CEP85L: variants seen among roughly 807,000 people sequenced by gnomAD.
CEP85L encodes centrosomal protein of 85 kDa-like.
In CEP85L, 60 loss-of-function variants were observed where a neutral mutation model predicts 100.3. That is an observed-to-expected ratio of 0.60 (90% CI 0.49 to 0.74). The LOEUF (loss-of-function observed/expected upper bound fraction) is 0.74, where lower values mean the gene tolerates loss of function less well. Among genes scored for constraint, CEP85L ranks in the 30% least tolerant of loss-of-function variants. The pLI, the probability that CEP85L is intolerant of heterozygous loss-of-function variation, is 0.00. For synonymous variants in CEP85L, 319 were observed against 322.7 expected, an observed-to-expected ratio of 0.99 and a Z score of 0.12; for missense variants, 973 against 936.2, an observed-to-expected ratio of 1.04 and a Z score of -0.51.
intron 1 of CEP85L, among the ~76,000 whole-genome samples, chr6:118,646,325 G>A (rs994424456): frequency 5.1e-5 from 4 of 78,580 alleles, no homozygotes; most frequent in Middle Eastern, 5.2e-3. Context: ...CTTTGCCAGT[G>A]TAAAATATGA....
At chr6:118,557,898 T>G (rs1778971431) in intron 3 of CEP85L, among the ~76,000 whole-genome samples, 1 of 152,138 alleles carries the variant, frequency 6.6e-6, no homozygotes, top group African/African-American at 2.4e-5. Context: ...ATTCCATGTT[T>G]TTAATAGACC....
chr6:118,587,712 C>T (rs1344773445), intron 2 of CEP85L, among the ~76,000 whole-genome samples: 1 of 152,138 alleles, frequency 6.6e-6, no homozygotes, highest in African/African-American at 2.4e-5. Flanking sequence ...CACCCCTTGC[C>T]ACAAGAATCA....
intron 2 of CEP85L, among the ~76,000 whole-genome samples, chr6:118,595,784 A>G (rs114878774): frequency 1.3e-5 from 2 of 152,174 alleles, no homozygotes; most frequent in East Asian, 3.8e-4. Context: ...TCTTTTAAGA[A>G]TTTAAGTGCA....
At chr6:118,505,946 A>G (rs1297029724) in intron 5 of CEP85L, among the ~76,000 whole-genome samples, 1 of 152,226 alleles carries the variant, frequency 6.6e-6, no homozygotes, top group Non-Finnish European at 1.5e-5. Flanking sequence ...ACCCTAAGGT[A>G]CAAAACATTG....
At chr6:118,621,861 A>T (rs1562316703) in intron 2 of CEP85L, among the ~76,000 whole-genome samples, 1 of 152,140 alleles carries the variant, frequency 6.6e-6, no homozygotes, top group Non-Finnish European at 1.5e-5. Context: ...AGGCCAAGCC[A>T]CTCTATATTC....
intron 1 of CEP85L, among the ~76,000 whole-genome samples, chr6:118,699,554 T>G (rs763186022): frequency 1.3e-5 from 2 of 152,160 alleles, no homozygotes; most frequent in Admixed American, 6.5e-5. Context: ...TTCAACTGAA[T>G]TAGGCCCCTG....
intron 5 of CEP85L, among the ~76,000 whole-genome samples, chr6:118,496,574 C>T (rs1774941918): frequency 1.3e-5 from 2 of 151,942 alleles, no homozygotes; most frequent in Non-Finnish European, 2.9e-5. Flanking sequence ...AGGCTGGTCT[C>T]GAACTCCTGA....
intron 6 of CEP85L, among the ~76,000 whole-genome samples, chr6:118,484,487 A>C (rs1236314147): frequency 6.6e-6 from 1 of 152,230 alleles, no homozygotes; most frequent in Non-Finnish European, 1.5e-5. Context: ...AATTTGGTCA[A>C]GGCTGTTCAT....
chr6:118,622,692 A>G (rs563991041), intron 2 of CEP85L, among the ~76,000 whole-genome samples: 1 of 152,368 alleles, frequency 6.6e-6, no homozygotes, highest in African/African-American at 2.4e-5. Context: ...CAATATGGAA[A>G]GAGAGGGAGT....
chr6:118,662,266 A>G (rs1043689207), intron 1 of CEP85L, among the ~76,000 whole-genome samples: 7 of 152,060 alleles, frequency 4.6e-5, no homozygotes, highest in Non-Finnish European at 1.0e-4. Flanking sequence ...GCGGTGGCTC[A>G]CTCCTGTAAT....
chr6:118,494,928 G>GT (rs1774823843), intron 5 of CEP85L, among the ~76,000 whole-genome samples: 1 of 152,128 alleles, frequency 6.6e-6, no homozygotes, highest in East Asian at 1.9e-4. Flanking sequence ...AATGTAGACA[G>GT]TATACAAGAA....
At chr6:118,668,001 C>A (rs760640090) in intron 1 of CEP85L, among the ~76,000 whole-genome samples, 4 of 152,190 alleles carry the variant, frequency 2.6e-5, no homozygotes, top group Non-Finnish European at 4.4e-5. Flanking sequence ...GAGCAAATAT[C>A]TCCCCAGCCC....
intron 1 of CEP85L, among the ~76,000 whole-genome samples, chr6:118,682,058 A>G (rs1216938009): frequency 6.7e-6 from 1 of 150,164 alleles, no homozygotes; most frequent in African/African-American, 2.5e-5. Flanking sequence ...GAGCCACCGC[A>G]CCCAGCCTGT....
At position 118,691,127 on chromosome 6, in the gene CEP85L, A is replaced by ATTGTCAATAGATACATTGATAG. The variant is rs1312332166; in HGVS notation, c.-28+18908_-28+18909insCTATCAATGTATCTATTGACAA. Among the ~76,000 whole-genome samples the ATTGTCAATAGATACATTGATAG allele has an allele frequency of 4.6e-5, 7 of 152,308 alleles. No individual in the cohort carries two copies. The South Asian group carries it at 6.2e-4, about 14-fold the overall frequency. On this transcript the variant is annotated intron_variant, in intron 1 of 13. Transcript: ENST00000368488. ...GGAGTAAAAGTCTCTGTCAAATGAC[A>ATTGTCAATAGATACATTGATAG]AAGGAGGCCAGGCGTGGTGGCTCAT...
Position 118,552,926 on chromosome 6 carries a change from G to A in CEP85L, c.1020+12603C>T, listed in dbSNP as rs532200533. 8.6e-5 allele frequency among the ~76,000 whole-genome samples: 13 copies of A among 151,962 alleles called. No individual in the cohort carries two copies. In the South Asian group the frequency reaches 2.7e-3, roughly 32 times the overall value. The stretch of plus-strand genomic sequence containing the variant: ...CATGTTTTCAATACTCTTGATTCTA[G>A]GGCCTAGAAGACAATTTGATTTTAA... On this transcript the variant is annotated intron_variant, in intron 3 of 12. Coordinates refer to ENST00000368491, the MANE Select transcript of CEP85L (RefSeq NM_001042475.3).
chr6:118,502,236 T>A (rs890041934), intron 5 of CEP85L: 10 of 630,638 alleles, frequency 1.6e-5, no homozygotes, highest in Non-Finnish European at 2.6e-5. Flanking sequence ...ATGTACCGCA[T>A]TATGACTCCA....
At chr6:118,535,318 G>A (rs969138316) in intron 3 of CEP85L, among the ~76,000 whole-genome samples, 1 of 152,150 alleles carries the variant, frequency 6.6e-6, no homozygotes, top group Non-Finnish European at 1.5e-5. Context: ...TATACATAGG[G>A]CTTCTGCAAA....
chr6:118,701,249 A>G (rs1247564961), intron 1 of CEP85L, among the ~76,000 whole-genome samples: 1 of 152,234 alleles, frequency 6.6e-6, no homozygotes, highest in Non-Finnish European at 1.5e-5. Flanking sequence ...ACTTAGAGCT[A>G]CTATTCGACC....
intron 3 of CEP85L, among the ~76,000 whole-genome samples, chr6:118,540,069 A>C (rs1458579978): frequency 1.3e-5 from 2 of 150,320 alleles, no homozygotes; most frequent in Non-Finnish European, 3.0e-5. Context: ...TTTTTTTTTA[A>C]ATCTCCAGAG....
Sources: allele counts gnomAD v4.1 joint callset (sites outside exome capture counted in the v4.1 genomes callset), GRCh38; gene constraint gnomAD v4.1.1; transcripts MANE v1.5; gene names NCBI Gene and HGNC (gene_info 2026-07-23, HGNC 2026-07-21).